DNAH6: variants seen among roughly 807,000 people sequenced by gnomAD.
DNAH6 encodes the protein dynein axonemal heavy chain 6, also known as axonemal beta dynein heavy chain 6.
In DNAH6, 340 loss-of-function variants were observed where a neutral mutation model predicts 491.4. The observed-to-expected ratio is 0.69, with a 90% CI of 0.63 to 0.76. The LOEUF (loss-of-function observed/expected upper bound fraction) is 0.76, where lower values mean the gene tolerates loss of function less well. DNAH6 is among the 30% of genes least tolerant of loss of function. DNAH6 has a pLI of 0.00. For synonymous variants in DNAH6, 1,603 were observed against 1,686.1 expected, an observed-to-expected ratio of 0.95 and a Z score of 1.21; for missense variants, 4,443 against 4,972.2, an observed-to-expected ratio of 0.89 and a Z score of 3.20.
intron 14 of DNAH6, among the ~76,000 whole-genome samples, chr2:84,582,987 A>G (rs984392260): frequency 6.6e-6 from 1 of 152,222 alleles, no homozygotes; most frequent in African/African-American, 2.4e-5. Flanking sequence ...TGTGGCCAGG[A>G]AATTGGGCCA....
chr2:84,476,625 AGCT>A, the DNAH6 span, among the ~76,000 whole-genome samples: 1 of 151,946 alleles, frequency 6.6e-6, no homozygotes, highest in African/African-American at 2.4e-5. Context: ...ATGGCTCAAG[AGCT>A]GCTTTTATTA....
intron 62 of DNAH6, among the ~76,000 whole-genome samples, chr2:84,740,491 C>CT (rs1245780770): frequency 2.6e-5 from 4 of 152,212 alleles, no homozygotes; most frequent in Admixed American, 2.6e-4. Context: ...GTGACCCCCT[C>CT]TCCATGTCCA....
At chr2:84,736,707 A>G (rs1378384865) in intron 62 of DNAH6, among the ~76,000 whole-genome samples, 1 of 152,136 alleles carries the variant, frequency 6.6e-6, no homozygotes, top group Non-Finnish European at 1.5e-5. Flanking sequence ...TGTTGAAGTC[A>G]TTTATCAGAT....
At chr2:84,550,116 C>A in intron 9 of DNAH6, 59 bp downstream of exon 9, 2 of 1,325,344 alleles carry the variant, frequency 1.5e-6, no homozygotes, top group African/African-American at 1.5e-5. Context: ...GGAGTGCAAA[C>A]TACGCTCTAT....
At chr2:84,653,233 A>G (rs1690624550) in intron 33 of DNAH6, 86 bp from the exon 34 acceptor site, 1 of 1,098,740 alleles carries the variant, frequency 9.1e-7, no homozygotes, top group Non-Finnish European at 1.3e-6. Context: ...AAACAATAAG[A>G]CTCATAATAT....
chr2:84,608,916 C>T (rs1353735292), intron 21 of DNAH6, among the ~76,000 whole-genome samples: 2 of 152,180 alleles, frequency 1.3e-5, no homozygotes, highest in East Asian at 1.9e-4. Context: ...AGAGTAGCCA[C>T]CTTCATCAAT....
chr2:84,701,570 G>A (rs1333992104), intron 49 of DNAH6, among the ~76,000 whole-genome samples: 1 of 152,104 alleles, frequency 6.6e-6, no homozygotes, highest in Non-Finnish European at 1.5e-5. Context: ...TCAGCTTTTG[G>A]GGAGGCCTCG....
chr2:84,764,103 TCACCCAGAAA>T (rs1309685830), intron 64 of DNAH6, among the ~76,000 whole-genome samples: 1 of 152,194 alleles, frequency 6.6e-6, no homozygotes, highest in Admixed American at 6.5e-5. Context: ...AATGCTAATC[TCACCCAGAAA>T]CACCCTTACA....
intron 31 of DNAH6, among the ~76,000 whole-genome samples, chr2:84,640,161 G>A (rs959934676): frequency 1.6e-4 from 24 of 152,162 alleles, no homozygotes; most frequent in Non-Finnish European, 3.1e-4. Context: ...GGGCTCTTCT[G>A]TTCCTTGAAC....
chr2:84,713,372 G>A, intron 57 of DNAH6, 113 bp downstream of exon 57: 1 of 1,033,454 alleles, frequency 9.7e-7, no homozygotes, highest in Non-Finnish European at 1.4e-6. Context: ...ATTCTCCCCT[G>A]TCTCCTATAC....
At position 84,607,656 on chromosome 2, in the gene DNAH6, TA is replaced by T. The variant is rs1197703700; in HGVS notation, c.3294+565del. On this transcript the variant is annotated intron_variant, in intron 21 of 76. Coordinates refer to ENST00000389394, the MANE Select transcript of DNAH6 (RefSeq NM_001370.2). ...TAAAATATAAGTTGAAATTATTTTT[TA>T]AAAGTTATGTTTATAGTGTACTGTA... Among the ~76,000 whole-genome samples, 3 of 152,314 alleles carry T rather than the reference TA, an allele frequency of 2.0e-5. No individual in the cohort carries two copies. The East Asian group carries it at 5.8e-4, about 29-fold the overall frequency.
At chr2:84,466,114 C>A in the DNAH6 span, among the ~76,000 whole-genome samples, 2 of 152,190 alleles carry the variant, frequency 1.3e-5, no homozygotes, top group Admixed American at 1.3e-4. Flanking sequence ...TAACCTGGGG[C>A]TCCTGGACCT....
chr2:84,802,852 C>T (rs1012830740), intron 70 of DNAH6, among the ~76,000 whole-genome samples: 1 of 152,100 alleles, frequency 6.6e-6, no homozygotes, highest in Admixed American at 6.6e-5. Context: ...AAAATTATAC[C>T]AAGCATCTTC....
intron 33 of DNAH6, among the ~76,000 whole-genome samples, chr2:84,647,180 G>A (rs926631161): frequency 1.3e-5 from 2 of 152,138 alleles, no homozygotes; most frequent in Non-Finnish European, 2.9e-5. Flanking sequence ...TCTACTCCTG[G>A]TGAAGTAGCT....
At chr2:84,644,588 C>A (rs1396468704) in intron 33 of DNAH6, among the ~76,000 whole-genome samples, 1 of 152,112 alleles carries the variant, frequency 6.6e-6, no homozygotes, top group Non-Finnish European at 1.5e-5. Flanking sequence ...CCTCTCCCTC[C>A]TCCCACTCCC....
chr2:84,525,013 T>C (rs1573498524), intron 2 of DNAH6, among the ~76,000 whole-genome samples: 1 of 152,240 alleles, frequency 6.6e-6, no homozygotes, highest in African/African-American at 2.4e-5. Context: ...TATGAGAGAC[T>C]AGCAATTATG....
chr2:84,542,869 G>A (rs1018860177), intron 4 of DNAH6, among the ~76,000 whole-genome samples: 4 of 152,134 alleles, frequency 2.6e-5, no homozygotes, highest in African/African-American at 9.7e-5. Flanking sequence ...CTGTGTTAAA[G>A]GGCTGTGGCC....
chr2:84,683,389 G>A (rs1166885377), intron 42 of DNAH6, among the ~76,000 whole-genome samples: 3 of 144,586 alleles, frequency 2.1e-5, no homozygotes, highest in South Asian at 2.2e-4. Context: ...CCCATCCAGT[G>A]CCCTTTGTTC....
At chr2:84,488,742 T>C in the DNAH6 span, among the ~76,000 whole-genome samples, 1 of 152,232 alleles carries the variant, frequency 6.6e-6, no homozygotes, top group Non-Finnish European at 1.5e-5. Flanking sequence ...AAGTCCCTTT[T>C]GCCATGTAAG....
Sources: gnomAD v4.1 joint callset for allele counts (sites outside exome capture counted in the v4.1 genomes callset) on GRCh38, gnomAD v4.1.1 for gene constraint, MANE v1.5 for transcripts, NCBI Gene and HGNC (gene_info 2026-07-23, HGNC 2026-07-21) for gene names.